The following CLEC20A variants were observed in gnomAD, a reference collection of about 807,000 sequenced individuals.
CLEC20A encodes the protein putative C-type lectin domain family 20 member A.
intron 7 of CLEC20A, chr1:178,482,082 CAAAA>C (rs1297176109): frequency 2.8e-6 from 1 of 354,176 alleles, no homozygotes; most frequent in African/African-American, 2.6e-5. Flanking sequence ...AACAAAAAAA[CAAAA>C]AAACAACAAA....
chr1:178,482,024 A>G (rs1364685764), intron 7 of CLEC20A: 1 of 264,112 alleles, frequency 3.8e-6, no homozygotes, highest in Non-Finnish European at 7.1e-6. Flanking sequence ...GGGCAAAACT[A>G]AGACCCACGC....
At chr1:178,489,971 T>C (rs1238158446) in intron 4 of CLEC20A, 101 bp downstream of exon 4, 1 of 397,688 alleles carries the variant, frequency 2.5e-6, no homozygotes, top group Non-Finnish European at 4.4e-6. Flanking sequence ...AAGTGCTTCC[T>C]TGGGTCTATC....
upstream of CLEC20A, among the ~76,000 whole-genome samples, chr1:178,498,862 AAG>A (rs950473540): frequency 2.0e-5 from 3 of 152,200 alleles, no homozygotes; most frequent in African/African-American, 7.2e-5. Context: ...GCAAAAGAGA[AAG>A]AGGGGAAAAT....
At chr1:178,480,882 A>G (rs1648954740) in intron 7 of CLEC20A, 1 of 152,064 alleles carries the variant, frequency 6.6e-6, no homozygotes, top group African/African-American at 2.4e-5. Context: ...GCCCTTAACT[A>G]CATTTGACTT....
chr1:178,491,124 C>T (rs1649256410), intron 3 of CLEC20A, among the ~76,000 whole-genome samples: 1 of 152,238 alleles, frequency 6.6e-6, no homozygotes, highest in East Asian at 1.9e-4. Flanking sequence ...ACAACCACCA[C>T]TGCCAGTCCC....
chr1:178,487,936 T>C (rs1440994308), intron 5 of CLEC20A, among the ~76,000 whole-genome samples: 3 of 152,248 alleles, frequency 2.0e-5, no homozygotes, highest in African/African-American at 7.2e-5. Flanking sequence ...TAAAATGAGG[T>C]AACAGCTGTG....
At chr1:178,487,129 T>C (rs1649167883) in intron 5 of CLEC20A, among the ~76,000 whole-genome samples, 1 of 151,892 alleles carries the variant, frequency 6.6e-6, no homozygotes, top group African/African-American at 2.4e-5. Flanking sequence ...CAAGAAGGAG[T>C]GGCTTCGCGC....
intron 3 of CLEC20A, among the ~76,000 whole-genome samples, chr1:178,492,268 C>T (rs183222301): frequency 1.4e-3 from 218 of 151,978 alleles, no homozygotes; most frequent in African/African-American, 5.0e-3. Flanking sequence ...AGAGTGAGAC[C>T]ATCCGTGTCT....
At chr1:178,494,468 A>G in exon 2 of CLEC20A, 1 of 399,840 alleles carries the variant, frequency 2.5e-6, no homozygotes, top group Non-Finnish European at 4.4e-6. Context: ...GTAGCAGAGG[A>G]AGGGCTTCTG....
intron 5 of CLEC20A, chr1:178,486,787 G>T: frequency 2.5e-6 from 1 of 398,560 alleles, no homozygotes; most frequent in African/African-American, 2.1e-5. Context: ...CGCCGAGGGC[G>T]CAGGGTGGGA....
Position 178,487,430 on chromosome 1 carries a change from A to C in CLEC20A, c.928+1071T>G, listed in dbSNP as rs992182454. On this transcript the variant is annotated intron_variant, in intron 5 of 7. Coordinates refer to ENST00000623247, the Ensembl canonical transcript of CLEC20A. ...CAGGATCTGGGCTCCCACACTCTCCAGCGCTGACTGTCCCCACCCCACCTG... is the reference window on the plus strand; with the variant it reads ...CAGGATCTGGGCTCCCACACTCTCCCGCGCTGACTGTCCCCACCCCACCTG... Among the ~76,000 whole-genome samples the C allele has an allele frequency of 2.0e-5, 3 of 152,128 alleles. No homozygotes were observed. In the East Asian group the frequency reaches 5.8e-4, roughly 29 times the overall value.
At chr1:178,487,166 C>A (rs1649169241) in intron 5 of CLEC20A, among the ~76,000 whole-genome samples, 1 of 152,218 alleles carries the variant, frequency 6.6e-6, no homozygotes, top group African/African-American at 2.4e-5. Context: ...TGTGCCTCTT[C>A]CACGCCTGGC....
At chr1:178,489,055 T>G (rs1310748948) in intron 4 of CLEC20A, among the ~76,000 whole-genome samples, 1 of 152,124 alleles carries the variant, frequency 6.6e-6, no homozygotes, top group African/African-American at 2.4e-5. Context: ...AGCCACTGCG[T>G]TGTACCCTTT....
At chr1:178,480,288 A>T (rs915603462) in intron 7 of CLEC20A, 2 of 152,188 alleles carry the variant, frequency 1.3e-5, no homozygotes, top group African/African-American at 2.4e-5. Context: ...CTCTCCATTA[A>T]CATGGTCATC....
intron 7 of CLEC20A, chr1:178,480,135 A>AC (rs1648930003): frequency 6.6e-6 from 1 of 152,030 alleles, no homozygotes; most frequent in South Asian, 2.1e-4. Flanking sequence ...CAATCCTGAA[A>AC]CTGGGGTAAG....
At chr1:178,481,568 CCA>C (rs1648987753) in intron 7 of CLEC20A, 1 of 152,194 alleles carries the variant, frequency 6.6e-6, no homozygotes, top group Non-Finnish European at 1.5e-5. Context: ...AATTCTTCCT[CCA>C]CAGTCTCCCA....
In CLEC20A at chr1:178,482,412, G is replaced by C; in HGVS notation, c.1037-15C>G. On this transcript the variant is annotated splice_polypyrimidine_tract_variant and intron_variant, in intron 6 of 7. Coordinates refer to ENST00000623247, the Ensembl canonical transcript of CLEC20A. Reference sequence around the variant, plus strand: ...AAAAGGGTGCCCTGAAAAAGAAAGTGCTACCTGTTCAGGGGGATATTATCC... The same window carrying C: ...AAAAGGGTGCCCTGAAAAAGAAAGTCCTACCTGTTCAGGGGGATATTATCC... 2 of 398,562 alleles carry C rather than the reference G, an allele frequency of 5.0e-6. No homozygotes were observed. Among genetic ancestry groups the C allele is most frequent in the Non-Finnish European group, 8.8e-6 (2 of 226,052 alleles). 24.7% of individuals were successfully genotyped at this position (398,562 alleles called of 1,614,324 possible).
chr1:178,496,488 G>A (rs780347319), intron 1 of CLEC20A: 58 of 172,642 alleles, frequency 3.4e-4, no homozygotes, highest in Non-Finnish European at 6.0e-4. Flanking sequence ...GCTCACCCAC[G>A]GCTCCCTTTC....
chr1:178,496,433 C>G (rs1236278765), intron 1 of CLEC20A: 2 of 155,266 alleles, frequency 1.3e-5, no homozygotes, highest in African/African-American at 4.8e-5. Context: ...ACCCTCCAAG[C>G]CAGGGCTTTT....
Sources: gnomAD v4.1 joint callset for allele counts (sites outside exome capture counted in the v4.1 genomes callset) on GRCh38, gnomAD v4.1.1 for gene constraint, MANE v1.5 for transcripts, NCBI Gene and HGNC (gene_info 2026-07-23, HGNC 2026-07-21) for gene names.